The following CNTNAP2 variants were observed in gnomAD, a reference collection of about 807,000 sequenced individuals.
CNTNAP2 encodes contactin associated protein 2.
Under a neutral mutation model 155.2 loss-of-function variants are expected in CNTNAP2, and 98 were observed. The ratio of observed to expected loss-of-function variants is 0.63; its 90% CI spans 0.54 to 0.75. The LOEUF is 0.75. CNTNAP2 is among the 30% of genes least tolerant of loss of function. The pLI, the probability that CNTNAP2 is intolerant of heterozygous loss-of-function variation, is 0.00. For missense variants in CNTNAP2, 1,727 were observed against 1,688.1 expected (o/e 1.02, Z -0.40); for synonymous variants, 651 against 631.2 (o/e 1.03, Z -0.47).
At chr7:146,770,605 C>A (rs952037549) in intron 1 of CNTNAP2, among the ~76,000 whole-genome samples, 2 of 151,574 alleles carry the variant, frequency 1.3e-5, no homozygotes, top group East Asian at 3.9e-4. Context: ...CAATTTAATT[C>A]TAATTATTGT....
chr7:148,224,321 TA>T (rs1795805727), intron 19 of CNTNAP2, among the ~76,000 whole-genome samples: 1 of 150,908 alleles, frequency 6.6e-6, no homozygotes, highest in South Asian at 2.1e-4. Flanking sequence ...TGCTATTGGG[TA>T]AAGGAAAAAC....
intron 8 of CNTNAP2, among the ~76,000 whole-genome samples, chr7:147,257,111 GA>G (rs776796531): frequency 6.6e-6 from 1 of 152,166 alleles, no homozygotes; most frequent in East Asian, 1.9e-4. Context: ...TGGTTTGGGG[GA>G]AAAAGTCTCA....
intron 15 of CNTNAP2, among the ~76,000 whole-genome samples, chr7:148,026,074 C>G (rs1346187272): frequency 6.6e-6 from 1 of 152,070 alleles, no homozygotes; most frequent in East Asian, 1.9e-4. Context: ...ACCCTTGTCC[C>G]TTAGGACAAA....
At chr7:146,126,354 C>T (rs1363774273) in intron 1 of CNTNAP2, among the ~76,000 whole-genome samples, 1 of 152,144 alleles carries the variant, frequency 6.6e-6, no homozygotes, top group Non-Finnish European at 1.5e-5. Flanking sequence ...TTAAAAATTA[C>T]ATTGGTAAAA....
intron 8 of CNTNAP2, among the ~76,000 whole-genome samples, chr7:147,190,838 G>A (rs1204855713): frequency 6.6e-6 from 1 of 152,124 alleles, no homozygotes; most frequent in East Asian, 1.9e-4. Flanking sequence ...AAAGTGCTTT[G>A]TGAAGGAAAT....
At chr7:147,938,665 AT>A (rs1308194917) in intron 14 of CNTNAP2, among the ~76,000 whole-genome samples, 1 of 152,036 alleles carries the variant, frequency 6.6e-6, no homozygotes, top group Non-Finnish European at 1.5e-5. Flanking sequence ...GTAAAGCAGG[AT>A]TTTTTTTAAG....
At chr7:146,804,292 A>T (rs1040994511) in intron 2 of CNTNAP2, among the ~76,000 whole-genome samples, 1 of 152,186 alleles carries the variant, frequency 6.6e-6, no homozygotes, top group Non-Finnish European at 1.5e-5. Context: ...ATAGAAATAC[A>T]TTTTTGCTTT....
intron 21 of CNTNAP2, among the ~76,000 whole-genome samples, chr7:148,293,580 G>A (rs76336317): frequency 0.028 from 4,314 of 152,288 alleles, 196 homozygotes; most frequent in African/African-American, 0.095. Context: ...AGTACAAAGT[G>A]TTACTAGCAA....
intron 8 of CNTNAP2, among the ~76,000 whole-genome samples, chr7:147,136,956 T>G (rs982412010): frequency 4.6e-5 from 7 of 151,912 alleles, no homozygotes; most frequent in African/African-American, 1.7e-4. Context: ...TATTATGTTT[T>G]ACAGCAAAAT....
At chr7:148,291,255 G>T (rs1230325939) in intron 21 of CNTNAP2, among the ~76,000 whole-genome samples, 3 of 150,766 alleles carry the variant, frequency 2.0e-5, no homozygotes, top group African/African-American at 7.3e-5. Context: ...ATGTGTTTTA[G>T]TCAGGGTTCT....
intron 20 of CNTNAP2, among the ~76,000 whole-genome samples, chr7:148,230,274 C>G (rs1795936330): frequency 6.6e-6 from 1 of 152,248 alleles, no homozygotes; most frequent in South Asian, 2.1e-4. Context: ...CAGACTCTGA[C>G]TGTGGGCTTT....
At chr7:147,290,855 T>C (rs1805289856) in intron 8 of CNTNAP2, among the ~76,000 whole-genome samples, 1 of 152,160 alleles carries the variant, frequency 6.6e-6, no homozygotes, top group Non-Finnish European at 1.5e-5. Flanking sequence ...AGTCTTTAAA[T>C]GACCATGGGT....
At chr7:146,363,972 A>G (rs1584890280) in intron 1 of CNTNAP2, among the ~76,000 whole-genome samples, 2 of 152,160 alleles carry the variant, frequency 1.3e-5, no homozygotes, top group African/African-American at 4.8e-5. Flanking sequence ...TCAGCCTTTG[A>G]TGGAAGAGGG....
intron 3 of CNTNAP2, among the ~76,000 whole-genome samples, chr7:147,030,782 G>C (rs1381714993): frequency 6.6e-6 from 1 of 152,070 alleles, no homozygotes. Context: ...ACTTTAAGAG[G>C]CCAAGGTGGG....
intron 4 of CNTNAP2, among the ~76,000 whole-genome samples, chr7:147,085,360 C>T (rs1396740969): frequency 1.3e-5 from 2 of 152,254 alleles, no homozygotes; most frequent in Non-Finnish European, 2.9e-5. Flanking sequence ...AATGTTCCCA[C>T]CTGAGCTCTG....
intron 1 of CNTNAP2, among the ~76,000 whole-genome samples, chr7:146,404,413 G>T (rs1269269906): frequency 6.6e-6 from 1 of 152,094 alleles, no homozygotes; most frequent in Non-Finnish European, 1.5e-5. Flanking sequence ...GTTTTAGCAG[G>T]TGCAGCATCC....
intron 6 of CNTNAP2, among the ~76,000 whole-genome samples, chr7:147,127,334 CT>C (rs1467154597): frequency 1.3e-5 from 2 of 151,404 alleles, no homozygotes; most frequent in East Asian, 3.9e-4. Flanking sequence ...ACATATTCAG[CT>C]AACCATTATT....
intron 3 of CNTNAP2, among the ~76,000 whole-genome samples, chr7:146,930,291 C>T (rs1178192057): frequency 6.6e-6 from 1 of 152,088 alleles, no homozygotes; most frequent in Non-Finnish European, 1.5e-5. Context: ...ATGCAACATT[C>T]ATAAAGAAAA....
At chr7:147,817,761 C>A (rs776789334) in intron 13 of CNTNAP2, among the ~76,000 whole-genome samples, 1 of 151,744 alleles carries the variant, frequency 6.6e-6, no homozygotes, top group Non-Finnish European at 1.5e-5. Context: ...AAAAATTAGC[C>A]GGGCATGATG....
Sources: gnomAD v4.1 joint callset for allele counts (sites outside exome capture counted in the v4.1 genomes callset) on GRCh38, gnomAD v4.1.1 for gene constraint, MANE v1.5 for transcripts, NCBI Gene and HGNC (gene_info 2026-07-23, HGNC 2026-07-21) for gene names.